NGLY1: variants seen among roughly 807,000 people sequenced by gnomAD.
NGLY1 encodes the protein peptide-N(4)-(N-acetyl-beta-glucosaminyl)asparagine amidase.
NGLY1 carries 68 observed loss-of-function variants against 84.6 expected under a neutral mutation model. The observed-to-expected ratio is 0.80, with a 90% confidence interval of 0.66 to 0.98. NGLY1 has a LOEUF of 0.98. NGLY1 is among the 50% of genes least tolerant of loss of function. The probability of loss-of-function intolerance (pLI) is 0.00; values close to 1 mark genes in which losing one functional copy is unlikely to be tolerated. For synonymous variants in NGLY1, 280 were observed against 275.2 expected, an observed-to-expected ratio of 1.02 and a Z score of -0.17; for missense variants, 779 against 770.2, an observed-to-expected ratio of 1.01 and a Z score of -0.14.
intron 10 of NGLY1, 76 bp from the exon 11 acceptor site, chr3:25,720,267 A>C (rs924586066): frequency 2.8e-5 from 34 of 1,194,998 alleles, no homozygotes; most frequent in Admixed American, 1.2e-4. Context: ...TTAGTGAAGA[A>C]TATTACTGTC....
At chr3:25,759,221 C>A (rs1707185957) in intron 3 of NGLY1, among the ~76,000 whole-genome samples, 1 of 150,422 alleles carries the variant, frequency 6.6e-6, no homozygotes, top group African/African-American at 2.5e-5. Context: ...GAGATGGGTA[C>A]AACAGCTGAC....
At chr3:25,742,004 A>C (rs1032142059) in intron 4 of NGLY1, among the ~76,000 whole-genome samples, 6 of 152,218 alleles carry the variant, frequency 3.9e-5, no homozygotes, top group Non-Finnish European at 8.8e-5. Context: ...TCTGTCTCAA[A>C]AAGATAAATT....
chr3:25,726,526 G>A (rs1226184511), intron 10 of NGLY1, among the ~76,000 whole-genome samples: 1 of 152,124 alleles, frequency 6.6e-6, no homozygotes, highest in African/African-American at 2.4e-5. Context: ...GTAAGGTTAA[G>A]AATAAATTAA....
chr3:25,755,104 T>C lies in NGLY1; in HGVS notation c.493-3841A>G, dbSNP rs1706971004. 5.5e-6 allele frequency: 8 copies of C among 1,452,924 alleles called. No homozygotes were observed. In the Admixed American group the frequency reaches 1.3e-4, roughly 24 times the overall value. 90.0% of individuals were successfully genotyped at this position (1,452,924 alleles called of 1,614,324 possible). A position where few individuals can be genotyped will look rare whatever the true frequency, so the allele number is the denominator to read the frequency against. ...ATGATGCAAAAATTTATTCGAGCCA[T>C]GCTAAGAAACCTAATGTTGATGCAG... On this transcript the variant is annotated intron_variant, in intron 3 of 11. Coordinates refer to ENST00000280700, the MANE Select transcript of NGLY1 (RefSeq NM_018297.4).
intron 10 of NGLY1, among the ~76,000 whole-genome samples, chr3:25,727,828 C>T (rs1319520917): frequency 6.6e-6 from 1 of 152,182 alleles, no homozygotes; most frequent in Non-Finnish European, 1.5e-5. Context: ...TACTACTTTA[C>T]TAACATTGCT....
intron 2 of NGLY1, among the ~76,000 whole-genome samples, chr3:25,776,648 C>T (rs1274625146): frequency 2.0e-5 from 3 of 152,166 alleles, no homozygotes; most frequent in Admixed American, 6.5e-5. Flanking sequence ...CTAAAACCTG[C>T]TACTCTCCAA....
At chr3:25,764,370 T>TGC in intron 2 of NGLY1, 59 bp from the exon 3 acceptor site, 1 of 1,533,842 alleles carries the variant, frequency 6.5e-7, no homozygotes. Context: ...CATTCTTTTG[T>TGC]GCACACACAC....
At chr3:25,752,225 T>C (rs1706792755) in intron 3 of NGLY1, among the ~76,000 whole-genome samples, 1 of 152,108 alleles carries the variant, frequency 6.6e-6, no homozygotes, top group South Asian at 2.1e-4. Context: ...TATTTATTTA[T>C]TATTATTATT....
In NGLY1 at chr3:25,754,473, G is replaced by A. The variant is rs191413770; in HGVS notation, c.493-3210C>T. On this transcript the variant is annotated intron_variant, in intron 3 of 11. Coordinates refer to ENST00000280700, the MANE Select transcript of NGLY1 (RefSeq NM_018297.4). The stretch of plus-strand genomic sequence containing the variant: ...GCAGTGGAGAGATAAAGATCTTTCT[G>A]GTCGCTTTTCATTGCAATGATAAGC... 2.6e-5 allele frequency among the ~76,000 whole-genome samples: 4 copies of A among 152,228 alleles called. No individual in the cohort carries two copies. In the East Asian group the frequency reaches 7.7e-4, roughly 29 times the overall value.
intron 2 of NGLY1, among the ~76,000 whole-genome samples, chr3:25,766,342 T>G (rs1462830852): frequency 6.6e-6 from 1 of 152,092 alleles, no homozygotes; most frequent in African/African-American, 2.4e-5. Flanking sequence ...GCTGGGATTA[T>G]AGGCGTGAGC....
At chr3:25,741,192 TGCACAAAATA>T (rs1480047011) in intron 4 of NGLY1, among the ~76,000 whole-genome samples, 1 of 135,410 alleles carries the variant, frequency 7.4e-6, no homozygotes, top group African/African-American at 2.8e-5. Context: ...AAAGAGAAAA[TGCACAAAATA>T]GCCAACACAA....
chr3:25,770,070 A>T (rs1010638896), intron 2 of NGLY1, among the ~76,000 whole-genome samples: 2 of 151,802 alleles, frequency 1.3e-5, no homozygotes, highest in African/African-American at 2.4e-5. Flanking sequence ...CCTCACTTAG[A>T]ATAATGGTCT....
chr3:25,781,576 C>T (rs931434238), intron 1 of NGLY1, among the ~76,000 whole-genome samples: 14 of 152,124 alleles, frequency 9.2e-5, no homozygotes, highest in Non-Finnish European at 1.5e-4. Flanking sequence ...GTCCACTATC[C>T]TTTGCGCTCA....
intron 7 of NGLY1, 162 bp from the exon 8 acceptor site, chr3:25,734,144 G>T: frequency 1.2e-6 from 1 of 845,594 alleles, no homozygotes; most frequent in Non-Finnish European, 1.7e-6. Flanking sequence ...TCAGCTCACT[G>T]CAGTCTCACT....
At chr3:25,721,115 G>T (rs184918296) in intron 10 of NGLY1, among the ~76,000 whole-genome samples, 155 of 152,302 alleles carry the variant, frequency 1.0e-3, no homozygotes, top group Non-Finnish European at 1.7e-3. Flanking sequence ...TTTAGACACA[G>T]GGTCTCACTC....
intron 1 of NGLY1, among the ~76,000 whole-genome samples, chr3:25,779,048 AC>A (rs1559560781): frequency 7.2e-6 from 1 of 139,088 alleles, no homozygotes. Flanking sequence ...CAATTCTCCC[AC>A]CTCAGCCTCC....
chr3:25,740,734 G>T (rs965850426), intron 4 of NGLY1, among the ~76,000 whole-genome samples: 2 of 152,006 alleles, frequency 1.3e-5, no homozygotes, highest in Admixed American at 1.3e-4. Flanking sequence ...TTATGTTCCT[G>T]GAGGGAAAAC....
intron 10 of NGLY1, among the ~76,000 whole-genome samples, chr3:25,725,291 G>A (rs1705193137): frequency 6.6e-6 from 1 of 152,224 alleles, no homozygotes; most frequent in Non-Finnish European, 1.5e-5. Flanking sequence ...CTGATCACAT[G>A]GAGGTTCCTG....
At chr3:25,722,621 A>G (rs754884778) in intron 10 of NGLY1, among the ~76,000 whole-genome samples, 1 of 152,218 alleles carries the variant, frequency 6.6e-6, no homozygotes, top group Non-Finnish European at 1.5e-5. Flanking sequence ...CTCAGAGTAG[A>G]TATGTATAGC....
Sources: gnomAD v4.1 joint callset for allele counts (sites outside exome capture counted in the v4.1 genomes callset) on GRCh38, gnomAD v4.1.1 for gene constraint, MANE v1.5 for transcripts, NCBI Gene and HGNC (gene_info 2026-07-23, HGNC 2026-07-21) for gene names.